ZCCHC17: variants seen among roughly 807,000 people sequenced by gnomAD.
The protein encoded by ZCCHC17 is zinc finger CCHC domain-containing protein 17.
A neutral mutation model predicts 30.6 loss-of-function variants in ZCCHC17; 18 were observed. The observed-to-expected ratio is 0.59, with a 90% confidence interval of 0.41 to 0.87. The LOEUF is 0.87. Ranked by LOEUF, ZCCHC17 falls within the 40% of genes least tolerant of loss-of-function variation. The pLI is 0.00. For missense variants in ZCCHC17, 263 were observed against 284.2 expected, an observed-to-expected ratio of 0.93 and a Z score of 0.54; for synonymous variants, 88 against 92.4, an observed-to-expected ratio of 0.95 and a Z score of 0.27.
intron 1 of ZCCHC17, among the ~76,000 whole-genome samples, chr1:31,308,894 A>G (rs1374970493): frequency 1.3e-5 from 2 of 152,218 alleles, no homozygotes; most frequent in African/African-American, 4.8e-5. Context: ...ATTATTAGGT[A>G]CGTGTTAACA....
intron 5 of ZCCHC17, among the ~76,000 whole-genome samples, 171 bp downstream of exon 5, chr1:31,339,219 G>A (rs1484443813): frequency 3.3e-5 from 5 of 152,230 alleles, no homozygotes; most frequent in African/African-American, 4.8e-5. Flanking sequence ...AGTTAGACCA[G>A]GCGTGGTGGC....
chr1:31,333,977 T>G (rs1403073270), intron 3 of ZCCHC17, among the ~76,000 whole-genome samples: 2 of 152,192 alleles, frequency 1.3e-5, no homozygotes, highest in African/African-American at 4.8e-5. Flanking sequence ...GGCTTCCCCT[T>G]TATGGGATCT....
intron 2 of ZCCHC17, among the ~76,000 whole-genome samples, chr1:31,314,962 C>T (rs1267765880): frequency 6.6e-6 from 1 of 152,184 alleles, no homozygotes; most frequent in Non-Finnish European, 1.5e-5. Context: ...CCACCGCACC[C>T]AGCCAAGAGA....
At chr1:31,345,583 T>TATA in intron 5 of ZCCHC17, among the ~76,000 whole-genome samples, 1 of 8,130 alleles carries the variant, frequency 1.2e-4, no homozygotes, top group African/African-American at 2.6e-4. Flanking sequence ...TATATATATA[T>TATA]TAGTTCTCAC....
chr1:31,308,910 T>G (rs1646531677), intron 1 of ZCCHC17, among the ~76,000 whole-genome samples: 1 of 152,198 alleles, frequency 6.6e-6, no homozygotes, highest in South Asian at 2.1e-4. Flanking sequence ...TAACAAAAAG[T>G]TGTGTATGCG....
chr1:31,304,328 G>A (rs1646393498), intron 1 of ZCCHC17, among the ~76,000 whole-genome samples: 3 of 151,480 alleles, frequency 2.0e-5, no homozygotes. Context: ...GAGTTGCCCA[G>A]GGTGGAGTGC....
intron 3 of ZCCHC17, among the ~76,000 whole-genome samples, chr1:31,330,945 G>A (rs1638559622): frequency 6.6e-6 from 1 of 152,156 alleles, no homozygotes. Context: ...AATGAATCTA[G>A]TCATGAATCC....
chr1:31,315,702 C>A (rs954553780), intron 2 of ZCCHC17, among the ~76,000 whole-genome samples: 1 of 152,188 alleles, frequency 6.6e-6, no homozygotes, highest in Non-Finnish European at 1.5e-5. Flanking sequence ...AGGCCATTTG[C>A]CACCTATAAT....
In ZCCHC17 at chr1:31,339,960, C is replaced by CTTTTTTTTTTTTTTT. The variant is rs36008834; in HGVS notation, c.317+922_317+936dup. The stretch of plus-strand genomic sequence containing the variant: ...TCTGTCTCAAGTCTTTCTTGGATTT[C>CTTTTTTTTTTTTTTT]TTTTTTTTTTTTTTTTTTTTTTTTG... On this transcript the variant is annotated intron_variant, in intron 5 of 7. Transcript: ENST00000344147. Among the ~76,000 whole-genome samples, 25 of 90,418 alleles carry CTTTTTTTTTTTTTTT rather than the reference C, an allele frequency of 2.8e-4. 1 individual carries two copies. The highest frequency in any genetic ancestry group is 7.6e-4 in the African/African-American group (22 of 28,824). 59.3% of individuals were successfully genotyped at this position (90,418 alleles called of 152,430 possible). A position where few individuals can be genotyped will look rare whatever the true frequency, so the allele number is the denominator to read the frequency against.
intron 7 of ZCCHC17, among the ~76,000 whole-genome samples, chr1:31,362,216 C>A (rs1557464737): frequency 6.6e-6 from 1 of 152,218 alleles, no homozygotes; most frequent in Admixed American, 6.5e-5. Flanking sequence ...AGCCAGAACT[C>A]AGGTCCAGGT....
chr1:31,307,581 T>G (rs928265385), intron 1 of ZCCHC17, among the ~76,000 whole-genome samples: 4 of 147,802 alleles, frequency 2.7e-5, no homozygotes, highest in African/African-American at 2.5e-5. Flanking sequence ...TTTTTGTTGT[T>G]TTTTTTTTTT....
intron 1 of ZCCHC17, among the ~76,000 whole-genome samples, chr1:31,303,872 C>G (rs983355531): frequency 6.6e-6 from 1 of 152,202 alleles, no homozygotes; most frequent in African/African-American, 2.4e-5. Flanking sequence ...TCTTGATGCT[C>G]GAGCTCTGAC....
chr1:31,302,176 C>T (rs1256966757), intron 1 of ZCCHC17, among the ~76,000 whole-genome samples: 2 of 151,996 alleles, frequency 1.3e-5, no homozygotes, highest in African/African-American at 4.8e-5. Flanking sequence ...TGCAGTGAGT[C>T]GAGATCGCAC....
chr1:31,323,479 G>C (rs535647507), intron 3 of ZCCHC17, among the ~76,000 whole-genome samples: 1 of 152,048 alleles, frequency 6.6e-6, no homozygotes, highest in Non-Finnish European at 1.5e-5. Flanking sequence ...CCGCCACCAT[G>C]CCTGGCTAAT....
At chr1:31,326,363 A>G (rs984612243) in intron 3 of ZCCHC17, among the ~76,000 whole-genome samples, 4 of 152,202 alleles carry the variant, frequency 2.6e-5, no homozygotes, top group South Asian at 2.1e-4. Flanking sequence ...ACTATTCTGC[A>G]AATTGCATCT....
intron 7 of ZCCHC17, among the ~76,000 whole-genome samples, chr1:31,359,355 A>T (rs1193897696): frequency 6.6e-6 from 1 of 150,532 alleles, no homozygotes; most frequent in Non-Finnish European, 1.5e-5. Context: ...GACTCTAGTT[A>T]AAAAAAAATA....
chr1:31,303,346 A>C (rs974080853), intron 1 of ZCCHC17, among the ~76,000 whole-genome samples: 4 of 152,142 alleles, frequency 2.6e-5, no homozygotes, highest in African/African-American at 9.7e-5. Context: ...TTCATATCCT[A>C]GTAGTTTTAG....
chr1:31,342,816 T>C (rs1639095873), intron 5 of ZCCHC17, among the ~76,000 whole-genome samples: 1 of 152,154 alleles, frequency 6.6e-6, no homozygotes, highest in African/African-American at 2.4e-5. Context: ...ACTTCAGGCC[T>C]TGATGGTCAG....
At position 31,326,573 on chromosome 1, in the gene ZCCHC17, A is replaced by T. The variant is rs893314208; in HGVS notation, c.124+7407A>T. Reference sequence around the variant, plus strand: ...TGCCAGTGCCTGAAAGTCCCATTCTAATTTGGGCATATGTGACACTTTGGG... The same window carrying T: ...TGCCAGTGCCTGAAAGTCCCATTCTTATTTGGGCATATGTGACACTTTGGG... On this transcript the variant is annotated intron_variant, in intron 3 of 7. Coordinates refer to ENST00000344147, the MANE Select transcript of ZCCHC17 (RefSeq NM_016505.4). Among the ~76,000 whole-genome samples, 44 of 152,152 alleles carry T rather than the reference A, an allele frequency of 2.9e-4. 1 individual carries two copies. Among genetic ancestry groups the T allele is most frequent in the Admixed American group, 2.8e-3 (43 of 15,270 alleles).
Sources: gnomAD v4.1 joint callset for allele counts (sites outside exome capture counted in the v4.1 genomes callset) on GRCh38, gnomAD v4.1.1 for gene constraint, MANE v1.5 for transcripts, NCBI Gene and HGNC (gene_info 2026-07-23, HGNC 2026-07-21) for gene names.